Variants in PPP2R2C observed in about 807,000 individuals in gnomAD.
The protein encoded by PPP2R2C is protein phosphatase 2, regulatory subunit B, gamma.
In PPP2R2C, 10 loss-of-function variants were observed where a neutral mutation model predicts 45.3. That is an observed-to-expected ratio of 0.22 (90% CI 0.14 to 0.37). The LOEUF (loss-of-function observed/expected upper bound fraction) is 0.37. Ranked by LOEUF, PPP2R2C falls within the 10% of genes least tolerant of loss-of-function variation. The probability of loss-of-function intolerance (pLI) is 1.00; values close to 1 mark genes in which losing one functional copy is unlikely to be tolerated. For synonymous variants in PPP2R2C, 257 were observed against 245.4 expected, an observed-to-expected ratio of 1.05 and a Z score of -0.44; for missense variants, 308 against 619.7, an observed-to-expected ratio of 0.50 and a Z score of 5.34.
At chr4:6,516,241 C>T (rs1459175751) in intron 2 of PPP2R2C, among the ~76,000 whole-genome samples, 2 of 152,242 alleles carry the variant, frequency 1.3e-5, no homozygotes, top group Middle Eastern at 3.2e-3. Context: ...GACTGCCCAT[C>T]GTCCTCCACA....
intron 1 of PPP2R2C, among the ~76,000 whole-genome samples, chr4:6,536,004 G>GTGTT (rs1016342072): frequency 1.1e-4 from 17 of 152,152 alleles, no homozygotes; most frequent in Non-Finnish European, 1.9e-4. Flanking sequence ...CTTTATCACA[G>GTGTT]TGTTAGTCCC....
Position 6,349,055 on chromosome 4 carries a change from G to A in PPP2R2C, c.626-1045C>T, listed in dbSNP as rs560836732. 7.4e-4 allele frequency: 733 copies of A among 985,164 alleles called. 1 individual carries two copies. Among genetic ancestry groups the A allele is most frequent in the Non-Finnish European group, 8.5e-4 (706 of 829,890 alleles). The allele number at this position is 985,164 out of a possible 1,614,324, so 61.0% of individuals were successfully genotyped here. On this transcript the variant is annotated intron_variant, in intron 5 of 8. Coordinates refer to ENST00000382599, the MANE Select transcript of PPP2R2C (RefSeq NM_020416.4). ...GCTCTTTTCCTATCCCTTCCCTGCT[G>A]CCCAGCAGCAGATCAGAATCTCTTG...
In PPP2R2C at chr4:6,332,798, A is replaced by C. The variant is rs1195890306; in HGVS notation, c.960+764T>G. 6.6e-6 allele frequency among the ~76,000 whole-genome samples: 1 copy of C among 152,114 alleles called. No homozygotes were observed. Among genetic ancestry groups the C allele is most frequent in the East Asian group, 1.9e-4 (1 of 5,180 alleles). On this transcript the variant is annotated intron_variant, in intron 7 of 8. Transcript: ENST00000382599. This position sits in a 1 kb window ranked among gnomAD's most constrained non-coding sequence, Gnocchi z 4.9. ...TGTGTGAGGAGTGACACGGTGAGGA[A>C]CCGGCTGGGGTTTCTGGTGGGGTGT... is the stretch of plus-strand genomic sequence containing the variant.
intron 8 of PPP2R2C, among the ~76,000 whole-genome samples, chr4:6,325,109 G>C (rs755936827): frequency 5.3e-5 from 8 of 152,150 alleles, no homozygotes; most frequent in Non-Finnish European, 8.8e-5. Context: ...TCAGGGGCTT[G>C]GGCTCTGGCC....
Position 6,364,219 on chromosome 4 carries a change from T to C in PPP2R2C, c.625+8304A>G, listed in dbSNP as rs1423771799. Among the ~76,000 whole-genome samples the C allele has an allele frequency of 1.3e-5, 2 of 151,698 alleles. No individual in the cohort carries two copies. Among genetic ancestry groups the C allele is most frequent in the East Asian group, 3.9e-4 (2 of 5,142 alleles). ...CCTCTTTAAGAAGGTGTCCACTGAGTGGATGAGGATGGAGAAACTTCACAG... is the reference window on the plus strand; with the variant it reads ...CCTCTTTAAGAAGGTGTCCACTGAGCGGATGAGGATGGAGAAACTTCACAG... On this transcript the variant is annotated intron_variant, in intron 5 of 8. Coordinates refer to ENST00000382599, the MANE Select transcript of PPP2R2C (RefSeq NM_020416.4). The surrounding 1 kb of genome is among the most constrained non-coding windows in gnomAD (Gnocchi z 5.3).
At chr4:6,535,125 G>T in intron 2 of PPP2R2C, 1 of 936,360 alleles carries the variant, frequency 1.1e-6, no homozygotes, top group Non-Finnish European at 1.6e-6. Context: ...GGGCCCAGGG[G>T]CCAGAGCAGG....
rs1732115607 is a variant in PPP2R2C at position 6,328,271 on chromosome 4, C to A, written c.1052+991G>T. On this transcript the variant is annotated intron_variant, in intron 8 of 8. Coordinates refer to ENST00000382599, the MANE Select transcript of PPP2R2C (RefSeq NM_020416.4). This position sits in a 1 kb window ranked among gnomAD's most constrained non-coding sequence, Gnocchi z 4.4. ...GGCTCCTGACAGGTGGTATTCTGAT[C>A]TAGCAGCCAGTGTAGTCTTTATCTC... Among the ~76,000 whole-genome samples, 1 of 152,200 alleles carries A rather than the reference C, an allele frequency of 6.6e-6. No individual in the cohort carries two copies. The highest frequency in any genetic ancestry group is 1.5e-5 in the Non-Finnish European group (1 of 68,050).
chr4:6,367,044 G>A, intron 5 of PPP2R2C, among the ~76,000 whole-genome samples: 1 of 151,494 alleles, frequency 6.6e-6, no homozygotes, highest in African/African-American at 2.4e-5. Context: ...TTTCCATTCT[G>A]AGGGTGAGAG....
At position 6,332,439 on chromosome 4, in the gene PPP2R2C, T is replaced by A. The variant is rs369418032; in HGVS notation, c.960+1123A>T. On this transcript the variant is annotated intron_variant, in intron 7 of 8. Transcript: ENST00000382599. The surrounding 1 kb of genome is among the most constrained non-coding windows in gnomAD (Gnocchi z 4.9). ...GTGGCTGACAAACAGGCGGTCCCCA[T>A]AGCGGTCCTTGTGGGTGTGTGGCTT... is the stretch of plus-strand genomic sequence containing the variant. 5.3e-5 allele frequency among the ~76,000 whole-genome samples: 8 copies of A among 152,108 alleles called. No individual in the cohort carries two copies. The highest frequency in any genetic ancestry group is 1.9e-4 in the African/African-American group (8 of 41,412).
chr4:6,368,072 C>A lies in PPP2R2C; in HGVS notation c.625+4451G>T, dbSNP rs75013942. Among the ~76,000 whole-genome samples the A allele has an allele frequency of 0.016, 2,411 of 152,298 alleles. 59 individuals are homozygous for A. The highest frequency in any genetic ancestry group is 0.054 in the African/African-American group (2,265 of 41,564). ...ACACTGAGTTACACGGCAGGGTGTGCGGCCAGGGATGTTCCCAGGATCCAC... is the reference window on the plus strand; with the variant it reads ...ACACTGAGTTACACGGCAGGGTGTGAGGCCAGGGATGTTCCCAGGATCCAC... On this transcript the variant is annotated intron_variant, in intron 5 of 8. Coordinates refer to ENST00000382599, the MANE Select transcript of PPP2R2C (RefSeq NM_020416.4). This position sits in a 1 kb window ranked among gnomAD's most constrained non-coding sequence, Gnocchi z 4.2.
chr4:6,393,568 C>T (rs574169276), intron 1 of PPP2R2C, among the ~76,000 whole-genome samples: 5 of 152,336 alleles, frequency 3.3e-5, no homozygotes, highest in Admixed American at 6.5e-5. Context: ...CCCATGGCCC[C>T]GGCCTCCAAC....
intron 2 of PPP2R2C, among the ~76,000 whole-genome samples, chr4:6,505,456 T>C (rs1723193476): frequency 2.0e-5 from 3 of 152,198 alleles, no homozygotes; most frequent in African/African-American, 7.2e-5. Flanking sequence ...ATAGTATATA[T>C]CAATATAATC....
chr4:6,350,749 G>A (rs1712476306), intron 5 of PPP2R2C: 1 of 985,260 alleles, frequency 1.0e-6, no homozygotes, highest in African/African-American at 1.7e-5. Flanking sequence ...ATAGACAAGT[G>A]AGGCATGTCA....
rs866438070 is a variant in PPP2R2C at position 6,329,767 on chromosome 4, C to T, written c.961-414G>A. 1.1e-4 allele frequency among the ~76,000 whole-genome samples: 17 copies of T among 152,316 alleles called. No individual in the cohort carries two copies. The highest frequency in any genetic ancestry group is 3.4e-3 in the Middle Eastern group (1 of 294). ...AGGGAGCAGAGTCCACTGTGACAAA[C>T]AGAACGCTCACAGCACAGGGGCCAG... On this transcript the variant is annotated intron_variant, in intron 7 of 8. Transcript: ENST00000382599. This position sits in a 1 kb window ranked among gnomAD's most constrained non-coding sequence, Gnocchi z 5.8.
chr4:6,410,085 G>A (rs375882668), intron 1 of PPP2R2C, among the ~76,000 whole-genome samples: 7 of 152,270 alleles, frequency 4.6e-5, no homozygotes, highest in African/African-American at 1.4e-4. Flanking sequence ...AGCTGGCTCG[G>A]GGCAGACACC....
At chr4:6,520,985 C>T (rs948477696) in intron 2 of PPP2R2C, among the ~76,000 whole-genome samples, 4 of 152,242 alleles carry the variant, frequency 2.6e-5, no homozygotes, top group African/African-American at 9.6e-5. Flanking sequence ...GGCTTACATA[C>T]CTCCTTATCC....
intron 1 of PPP2R2C, chr4:6,382,257 A>T: frequency 8.1e-7 from 1 of 1,233,266 alleles, no homozygotes; most frequent in East Asian, 5.7e-5. Flanking sequence ...GCTGCTGTGA[A>T]TGGGACCTCT....
At chr4:6,491,644 G>A (rs981819593) in intron 2 of PPP2R2C, among the ~76,000 whole-genome samples, 1 of 152,230 alleles carries the variant, frequency 6.6e-6, no homozygotes, top group Admixed American at 6.5e-5. Flanking sequence ...TGTTGGAGGA[G>A]GGGCCTGGTG....
In PPP2R2C at chr4:6,495,986, C is replaced by T. The variant is rs181860859; in HGVS notation, c.49+39285G>A. 3.7e-4 allele frequency among the ~76,000 whole-genome samples: 56 copies of T among 152,290 alleles called. No individual in the cohort carries two copies. In the East Asian group the frequency reaches 9.7e-3, roughly 26 times the overall value. ...GCCCCCTCCCGGCTCTCCATGGCGG[C>T]ACTCCTTGGTGCCCCTTGGCTTGTG... On this transcript the variant is annotated intron_variant, in intron 2 of 9. Coordinates refer to the PPP2R2C transcript ENST00000506140.
Sources: gnomAD v4.1 joint callset for allele counts (sites outside exome capture counted in the v4.1 genomes callset) on GRCh38, gnomAD v4.1.1 for gene constraint, Gnocchi (gnomAD v3.1) non-coding constraint, MANE v1.5 for transcripts, NCBI Gene and HGNC (gene_info 2026-07-23, HGNC 2026-07-21) for gene names.